DOCK4: variants seen among roughly 807,000 people sequenced by gnomAD.
The protein encoded by DOCK4 is dedicator of cytokinesis 4, also known as dedicator of cytokinesis protein 4.
Under a neutral mutation model 268.1 loss-of-function variants are expected in DOCK4, and 97 were observed. The observed-to-expected ratio is 0.36, with a 90% CI of 0.31 to 0.43. DOCK4 has a LOEUF of 0.43. Ranked by LOEUF, DOCK4 falls within the 20% of genes least tolerant of loss-of-function variation. The pLI is 1.00. For synonymous variants in DOCK4, 954 were observed against 887.2 expected (o/e 1.08, Z -1.34); for missense variants, 2,145 against 2,455.7 (o/e 0.87, Z 2.67).
chr7:112,085,566 A>G (rs1277612791), intron 1 of DOCK4, among the ~76,000 whole-genome samples: 1 of 152,186 alleles, frequency 6.6e-6, no homozygotes, highest in Non-Finnish European at 1.5e-5. Flanking sequence ...AGTGTATTTC[A>G]AGGTAATCAA....
At chr7:112,126,002 T>C (rs1143137) in intron 1 of DOCK4, among the ~76,000 whole-genome samples, 3 of 152,094 alleles carry the variant, frequency 2.0e-5, no homozygotes, top group Non-Finnish European at 4.4e-5. Flanking sequence ...GGCTTCGTCA[T>C]ATTGCCTAGG....
At chr7:112,073,923 T>G (rs960365716) in intron 1 of DOCK4, among the ~76,000 whole-genome samples, 1 of 152,174 alleles carries the variant, frequency 6.6e-6, no homozygotes. Flanking sequence ...GTTTGAGGTA[T>G]GCTAATTACC....
chr7:111,807,254 C>T (rs975633642), intron 30 of DOCK4, among the ~76,000 whole-genome samples: 1 of 152,142 alleles, frequency 6.6e-6, no homozygotes, highest in Non-Finnish European at 1.5e-5. Flanking sequence ...TCAAAAACAT[C>T]TTGCTAAATT....
At chr7:112,067,182 A>G (rs772578144) in intron 1 of DOCK4, among the ~76,000 whole-genome samples, 1 of 151,658 alleles carries the variant, frequency 6.6e-6, no homozygotes, top group East Asian at 1.9e-4. Flanking sequence ...AAAAACACCC[A>G]AAAAAGTTAC....
chr7:112,045,921 G>A (rs1309719004), intron 1 of DOCK4, among the ~76,000 whole-genome samples: 4 of 152,162 alleles, frequency 2.6e-5, no homozygotes, highest in Non-Finnish European at 4.4e-5. Flanking sequence ...GCCTCATAAC[G>A]TGAAGTTAAG....
chr7:112,141,387 T>C (rs1814915228), intron 1 of DOCK4, among the ~76,000 whole-genome samples: 1 of 152,190 alleles, frequency 6.6e-6, no homozygotes, highest in South Asian at 2.1e-4. Flanking sequence ...ATCGGGGTAT[T>C]GCTGTGAAGG....
At chr7:111,925,884 G>A (rs10230143) in intron 12 of DOCK4, among the ~76,000 whole-genome samples, 52,319 of 149,070 alleles carry the variant, frequency 0.35, 9,699 homozygotes, top group African/African-American at 0.56. Flanking sequence ...TCAGGAGATC[G>A]AGACTATCCT....
intron 1 of DOCK4, among the ~76,000 whole-genome samples, chr7:112,151,444 C>A (rs532689678): frequency 6.6e-6 from 1 of 152,048 alleles, no homozygotes; most frequent in South Asian, 2.1e-4. Context: ...GGCATACCCA[C>A]GGCACCACAG....
At chr7:112,121,842 C>T (rs953242268) in intron 1 of DOCK4, among the ~76,000 whole-genome samples, 6 of 152,090 alleles carry the variant, frequency 3.9e-5, no homozygotes, top group African/African-American at 1.4e-4. Context: ...AAGTCATGAC[C>T]TTCCTGGTGC....
intron 8 of DOCK4, among the ~76,000 whole-genome samples, chr7:111,959,747 C>G (rs762988010): frequency 1.3e-5 from 2 of 152,158 alleles, no homozygotes; most frequent in Non-Finnish European, 2.9e-5. Flanking sequence ...TAGATTGTAT[C>G]AGCCTCACCC....
chr7:112,154,937 C>G (rs76579540), intron 1 of DOCK4, among the ~76,000 whole-genome samples: 1 of 152,146 alleles, frequency 6.6e-6, no homozygotes, highest in Non-Finnish European at 1.5e-5. Context: ...AAGAGAGGAT[C>G]AAGGAAACAA....
chr7:112,124,265 C>G (rs1158898709), intron 1 of DOCK4, among the ~76,000 whole-genome samples: 2 of 152,160 alleles, frequency 1.3e-5, no homozygotes, highest in Non-Finnish European at 1.5e-5. Context: ...AAGCGATCCT[C>G]CTGACTTGTC....
Position 111,756,615 on chromosome 7 carries a change from C to T in DOCK4, c.4330-1014G>A, listed in dbSNP as rs1251876875. ...GAAACCATGCTGCCTTTGGTATGAG[C>T]TGCTGTTGATGACACGTTTCTTTTT... On this transcript the variant is annotated intron_variant, in intron 41 of 52. Coordinates refer to ENST00000428084, the MANE Select transcript of DOCK4 (RefSeq NM_001363540.2). Among the ~76,000 whole-genome samples the T allele has an allele frequency of 2.0e-5, 3 of 152,072 alleles. No individual in the cohort carries two copies. The East Asian group carries it at 5.8e-4, about 29-fold the overall frequency.
At chr7:111,758,505 A>C in intron 41 of DOCK4, 119 bp downstream of exon 41, 1 of 1,140,992 alleles carries the variant, frequency 8.8e-7, no homozygotes, top group South Asian at 1.5e-5. Flanking sequence ...AATGATTTAT[A>C]TAGTCCCTTC....
chr7:111,822,233 T>A, intron 27 of DOCK4, 129 bp downstream of exon 27: 2 of 687,794 alleles, frequency 2.9e-6, no homozygotes, highest in Admixed American at 3.0e-5. Context: ...AGTGGTAACA[T>A]TTTTTTAAAG....
chr7:112,180,783 A>C (rs1818958496), intron 1 of DOCK4, among the ~76,000 whole-genome samples: 1 of 152,180 alleles, frequency 6.6e-6, no homozygotes, highest in South Asian at 2.1e-4. Context: ...AGGGGTTGGC[A>C]AAGCAGGCTG....
chr7:111,945,878 C>T, intron 8 of DOCK4, 80 bp from the exon 9 acceptor site: 1 of 1,057,340 alleles, frequency 9.5e-7, no homozygotes, highest in Non-Finnish European at 1.4e-6. Flanking sequence ...CTCTTCATCA[C>T]AACAGGTAAG....
intron 5 of DOCK4, 92 bp from the exon 6 acceptor site, chr7:111,989,255 T>C (rs1799308935): frequency 3.3e-6 from 5 of 1,530,286 alleles, no homozygotes; most frequent in Non-Finnish European, 4.4e-6. Context: ...CCCATTCTGG[T>C]TACCCACTAT....
chr7:112,157,367 C>T (rs2189286), intron 1 of DOCK4, among the ~76,000 whole-genome samples: 79,857 of 151,850 alleles, frequency 0.53, 21,169 homozygotes, highest in East Asian at 0.69. Flanking sequence ...GGTACACTGC[C>T]GGCCAGATTC....
Sources: allele counts gnomAD v4.1 joint callset (sites outside exome capture counted in the v4.1 genomes callset), GRCh38; gene constraint gnomAD v4.1.1; transcripts MANE v1.5; gene names NCBI Gene and HGNC (gene_info 2026-07-23, HGNC 2026-07-21).